ALDH3A1: variants seen among roughly 807,000 people sequenced by gnomAD.
The protein encoded by ALDH3A1 is aldehyde dehydrogenase, dimeric NADP-preferring.
Under a neutral mutation model 49.9 loss-of-function variants are expected in ALDH3A1, and 46 were observed. The ratio of observed to expected loss-of-function variants is 0.92; its 90% CI spans 0.73 to 1.18. The LOEUF (loss-of-function observed/expected upper bound fraction) is 1.18, where lower values mean the gene tolerates loss of function less well. ALDH3A1 is among the 50% of genes most tolerant of loss of function. The pLI, the probability that ALDH3A1 is intolerant of heterozygous loss-of-function variation, is 0.00. For missense variants in ALDH3A1, 592 were observed against 611.8 expected, an observed-to-expected ratio of 0.97 and a Z score of 0.34; for synonymous variants, 269 against 253.3, an observed-to-expected ratio of 1.06 and a Z score of -0.59.
intron 4 of ALDH3A1, 119 bp from the exon 5 acceptor site, chr17:19,742,331 G>A (rs915576896): frequency 4.9e-6 from 6 of 1,223,966 alleles, no homozygotes; most frequent in Non-Finnish European, 7.0e-6. Context: ...CCCCACCTTG[G>A]GCGGGGGGTA....
At chr17:19,744,815 G>A (rs527559266) in intron 2 of ALDH3A1, 153 bp downstream of exon 2, 6 of 1,359,396 alleles carry the variant, frequency 4.4e-6, no homozygotes, top group Non-Finnish European at 5.7e-6. Flanking sequence ...CGCGGCGGAG[G>A]GGAGGGCGGT....
At chr17:19,739,413 A>G (rs1020470923) in intron 8 of ALDH3A1, 95 bp downstream of exon 8, 4 of 1,418,642 alleles carry the variant, frequency 2.8e-6, no homozygotes, top group African/African-American at 1.4e-5. Context: ...GACTTGCCCA[A>G]GGTCACACAG....
chr17:19,740,265 C>T (rs2086465602), intron 7 of ALDH3A1, 71 bp downstream of exon 7: 1 of 1,587,072 alleles, frequency 6.3e-7, no homozygotes, highest in Non-Finnish European at 8.6e-7. Flanking sequence ...CATCTGTGCC[C>T]ACTTGCTGTG....
intron 2 of ALDH3A1, chr17:19,744,437 G>T: frequency 3.0e-6 from 3 of 985,082 alleles, no homozygotes; most frequent in Non-Finnish European, 2.4e-6. Context: ...AAATAAAAGT[G>T]CAGGAGCAAA....
Position 19,742,507 on chromosome 17 carries a change from G to A in ALDH3A1, c.480+38C>T, listed in dbSNP as rs750852050. On this transcript the variant is annotated intron_variant, in intron 4 of 10. Coordinates refer to ENST00000225740, the MANE Select transcript of ALDH3A1 (RefSeq NM_000691.5). ...AAAGACCTGGCCCTAGCTCAGTTAT[G>A]AGGCCATGGAGTTACGAGGCCCTGG... 12 of 1,594,386 alleles carry A rather than the reference G, an allele frequency of 7.5e-6. No homozygotes were observed. The East Asian group carries it at 2.7e-4, about 36-fold the overall frequency.
chr17:19,743,599 G>C lies in ALDH3A1; in HGVS notation c.163-136C>G. 1 of 1,448,650 alleles carries C rather than the reference G, an allele frequency of 6.9e-7. No individual in the cohort carries two copies. The highest frequency in any genetic ancestry group is 9.0e-7 in the Non-Finnish European group (1 of 1,105,628). 89.7% of individuals were successfully genotyped at this position (1,448,650 alleles called of 1,614,324 possible). A position where few individuals can be genotyped will look rare whatever the true frequency, so the allele number is the denominator to read the frequency against. ...CCCAGGGTGGGGGCAGCCGCAGAAG[G>C]CTCCCAGGGGAAGCAGAGCCAGGAT... On this transcript the variant is annotated intron_variant, in intron 2 of 10. Coordinates refer to ENST00000225740, the MANE Select transcript of ALDH3A1 (RefSeq NM_000691.5). This position sits in a 1 kb window ranked among gnomAD's most constrained non-coding sequence, Gnocchi z 4.4.
intron 1 of ALDH3A1, chr17:19,745,764 T>G (rs1344784200): frequency 2.0e-5 from 3 of 152,146 alleles, no homozygotes; most frequent in African/African-American, 7.2e-5. Flanking sequence ...TACACGAAAG[T>G]ATAGTGGCAA....
chr17:19,744,947 G>C (rs747724829), intron 2 of ALDH3A1, 21 bp downstream of exon 2: 1 of 1,334,172 alleles, frequency 7.5e-7, no homozygotes, highest in South Asian at 1.2e-5. Context: ...CTGGCAGAAG[G>C]CGGCCGCCCA....
chr17:19,744,738 C>A (rs1004930504), intron 2 of ALDH3A1: 13 of 1,356,620 alleles, frequency 9.6e-6, no homozygotes, highest in Middle Eastern at 2.8e-4. Context: ...ACGCTGCGGG[C>A]GGGACGCGGA....
In ALDH3A1 at chr17:19,738,984, C is replaced by T. The variant is rs1291307117; in HGVS notation, c.1216+12G>A. 6.2e-7 allele frequency: 1 copy of T among 1,610,630 alleles called. No homozygotes were observed. Among genetic ancestry groups the T allele is most frequent in the Non-Finnish European group, 8.5e-7 (1 of 1,178,904 alleles). The stretch of plus-strand genomic sequence containing the variant: ...GCCCAGAGGGAGGCAGCAAGCTCAG[C>T]CCCAGACTCACCCACGCCCCCGAAG... On this transcript the variant is annotated intron_variant, in intron 9 of 10. Coordinates refer to ENST00000225740, the MANE Select transcript of ALDH3A1 (RefSeq NM_000691.5).
At chr17:19,744,264 A>G (rs1354309236) in intron 2 of ALDH3A1, 2 of 629,482 alleles carry the variant, frequency 3.2e-6, no homozygotes, top group Non-Finnish European at 4.0e-6. Flanking sequence ...TTAGCCGGGC[A>G]TGGTGGTACA....
Position 19,743,958 on chromosome 17 carries a change from T to C in ALDH3A1, c.163-495A>G. ...CAGGGCCTCCTGTGGGGAGCAGGGGTGAGAAGAGGAGATGCAGACGGCGGA... is the reference window on the plus strand; with the variant it reads ...CAGGGCCTCCTGTGGGGAGCAGGGGCGAGAAGAGGAGATGCAGACGGCGGA... On this transcript the variant is annotated intron_variant, in intron 2 of 10. Coordinates refer to ENST00000225740, the MANE Select transcript of ALDH3A1 (RefSeq NM_000691.5). The surrounding 1 kb of genome is among the most constrained non-coding windows in gnomAD (Gnocchi z 4.4). 1 of 984,736 alleles carries C rather than the reference T, an allele frequency of 1.0e-6. No homozygotes were observed. Among genetic ancestry groups the C allele is most frequent in the Non-Finnish European group, 1.2e-6 (1 of 829,792 alleles). The allele number at this position is 984,736 out of a possible 1,614,324, so 61.0% of individuals were successfully genotyped here. A position where few individuals can be genotyped will look rare whatever the true frequency, so the allele number is the denominator to read the frequency against.
chr17:19,738,476 G>A (rs778409417), intron 9 of ALDH3A1, 23 bp from the exon 10 acceptor site: 2 of 1,600,914 alleles, frequency 1.2e-6, no homozygotes, highest in African/African-American at 2.7e-5. Context: ...AGTAAGCACA[G>A]GGCTCAGCAT....
rs1597669456 is a variant in ALDH3A1 at position 19,742,118 on chromosome 17, A to G, written c.575T>C (p.Val192Ala). The part of the protein sequence containing the change: ...DHILYTGSTG[V>A]GKIIMTAAAK... ...AGCAGCCGTCATGATGATCTTCCCC[A>G]CCCCCGTGCTGCCCGTGTACAGGAT... Residue 192 changes from valine to alanine, a missense_variant, in exon 5 of 11, where the codon GTG (valine) becomes GCG (alanine). Val to Ala is a moderately conservative substitution (Grantham distance 64). Coordinates refer to ENST00000225740, the MANE Select transcript of ALDH3A1 (RefSeq NM_000691.5). 6.2e-7 allele frequency: 1 copy of G among 1,613,190 alleles called. No individual in the cohort carries two copies. Among genetic ancestry groups the G allele is most frequent in the East Asian group, 2.2e-5 (1 of 44,830 alleles).
chr17:19,744,906 T>TC (rs60032532), intron 2 of ALDH3A1, 62 bp downstream of exon 2: 1 of 600,100 alleles, frequency 1.7e-6, no homozygotes, highest in Non-Finnish European at 2.3e-6. Flanking sequence ...CCCCAGCCCC[T>TC]CCCCCCACGC....
At chr17:19,740,281 GC>G in intron 7 of ALDH3A1, 54 bp downstream of exon 7, 5 of 1,596,480 alleles carry the variant, frequency 3.1e-6, no homozygotes, top group Non-Finnish European at 4.3e-6. Flanking sequence ...CTGTGAACTT[GC>G]TGGGGACCCC....
chr17:19,747,651 G>A (rs1047571736), intron 1 of ALDH3A1, among the ~76,000 whole-genome samples: 1 of 152,034 alleles, frequency 6.6e-6, no homozygotes, highest in Non-Finnish European at 1.5e-5. Flanking sequence ...GCACCCAAAT[G>A]GGAGCTGCTG....
chr17:19,743,250 C>T lies in ALDH3A1; in HGVS notation c.376G>A (p.Val126Met). The T allele has an allele frequency of 6.2e-7, 1 of 1,613,832 alleles. No individual in the cohort carries two copies. The highest frequency in any genetic ancestry group is 8.5e-7 in the Non-Finnish European group (1 of 1,179,942). ...YPFNLTIQPM[V>M]GAIAAGNSVV... ...CATGCACCTGCAGCGATGGCGCCCACCATGGGCTGGATGGTGAGGTTGAAG... is the reference window on the plus strand; with the variant it reads ...CATGCACCTGCAGCGATGGCGCCCATCATGGGCTGGATGGTGAGGTTGAAG... Residue 126 changes from valine (V) to methionine (M), a missense_variant, in exon 3 of 11, where the codon GTG (valine) becomes ATG (methionine). Val to Met is a conservative substitution (Grantham distance 21). Transcript: ENST00000225740. The surrounding 1 kb of genome is among the most constrained non-coding windows in gnomAD (Gnocchi z 4.4).
chr17:19,741,219 A>T lies in ALDH3A1; in HGVS notation c.690-9T>A. ...TCCCCCAGGCGATGCGTCTGTGAGAATCCCAGACTGGACTAAATCCAAAAG... is the reference window on the plus strand; with the variant it reads ...TCCCCCAGGCGATGCGTCTGTGAGATTCCCAGACTGGACTAAATCCAAAAG... On this transcript the variant is annotated splice_polypyrimidine_tract_variant and intron_variant, in intron 5 of 10. Transcript: ENST00000225740. The T allele has an allele frequency of 1.2e-6, 2 of 1,610,860 alleles. No homozygotes were observed. The highest frequency in any genetic ancestry group is 1.7e-6 in the Non-Finnish European group (2 of 1,177,368).
Sources: allele counts gnomAD v4.1 joint callset (sites outside exome capture counted in the v4.1 genomes callset), GRCh38; gene constraint gnomAD v4.1.1; non-coding constraint Gnocchi (gnomAD v3.1); transcripts MANE v1.5; gene names NCBI Gene and HGNC (gene_info 2026-07-23, HGNC 2026-07-21).